The following TP53BP1 variants were observed in gnomAD, a reference collection of about 807,000 sequenced individuals.
The protein encoded by TP53BP1 is tumor protein p53 binding protein 1.
A neutral mutation model predicts 200.8 loss-of-function variants in TP53BP1; 61 were observed. The observed-to-expected ratio is 0.30, with a 90% CI of 0.25 to 0.38. The LOEUF is 0.38. Among genes scored for constraint, TP53BP1 ranks in the 10% least tolerant of loss-of-function variants. The probability of loss-of-function intolerance (pLI) is 1.00; values close to 1 mark genes in which losing one functional copy is unlikely to be tolerated. For synonymous variants in TP53BP1, 822 were observed against 844.3 expected, an observed-to-expected ratio of 0.97 and a Z score of 0.46; for missense variants, 2,144 against 2,371.9, an observed-to-expected ratio of 0.90 and a Z score of 2.00.
At chr15:43,450,270 C>T (rs916659638) in intron 12 of TP53BP1, among the ~76,000 whole-genome samples, 1 of 152,188 alleles carries the variant, frequency 6.6e-6, no homozygotes. Context: ...AAGGTCTCTC[C>T]TAACTTTCTG....
rs1158441350 is a variant in TP53BP1, at chr15:43,446,165, GGAA to G, written c.3040+219_3040+221del. ...TCTGAATAGGGAAACCAATTACATA[GGAA>G]CAGACTTAACAGAAACAAGCTATAA... On this transcript the variant is annotated intron_variant, in intron 14 of 27. Coordinates refer to ENST00000382044, the MANE Select transcript of TP53BP1 (RefSeq NM_001141980.3). 2.0e-5 allele frequency among the ~76,000 whole-genome samples: 3 copies of G among 152,022 alleles called. No individual in the cohort carries two copies. The East Asian group carries it at 5.8e-4, about 29-fold the overall frequency.
In TP53BP1 at chr15:43,452,364, G is replaced by A. The variant is rs1054592069; in HGVS notation, c.2716+3528C>T. Among the ~76,000 whole-genome samples, 5 of 152,050 alleles carry A rather than the reference G, an allele frequency of 3.3e-5. No individual in the cohort carries two copies. In the South Asian group the frequency reaches 8.3e-4, roughly 25 times the overall value. On this transcript the variant is annotated intron_variant, in intron 12 of 27. Coordinates refer to ENST00000382044, the MANE Select transcript of TP53BP1 (RefSeq NM_001141980.3). ...GTGGATTGCCTGAATCCAAGAGTTC[G>A]AGATCAGCCTGGGCAACATGGCAAA...
chr15:43,456,424 A>G lies in TP53BP1; in HGVS notation c.2184T>C (p.Ile728=), dbSNP rs1045226834. ...SEAMEVETSV[I]SIDSPQKLAI... ...CCAACTTTTGAGGGGAATCAATACT[A>G]ATCACACTGGTTTCAACTTCCATAG... The change falls in exon 12 of 28, where the codon ATT becomes ATC. Residue 728 remains isoleucine (I), a synonymous_variant. Transcript: ENST00000382044. 3.2e-6 allele frequency: 5 copies of G among 1,583,146 alleles called. No individual in the cohort carries two copies. The highest frequency in any genetic ancestry group is 1.7e-4 in the Middle Eastern group (1 of 5,876).
In TP53BP1 at chr15:43,430,493, A is replaced by G. The variant is rs150581366; in HGVS notation, c.3675+1701T>C. Among the ~76,000 whole-genome samples, 209 of 152,358 alleles carry G rather than the reference A, an allele frequency of 1.4e-3. 2 individuals are homozygous for G. Among genetic ancestry groups the G allele is most frequent in the African/African-American group, 4.9e-3 (204 of 41,588 alleles). On this transcript the variant is annotated intron_variant, in intron 17 of 27. Coordinates refer to ENST00000382044, the MANE Select transcript of TP53BP1 (RefSeq NM_001141980.3). Reference sequence around the variant, plus strand: ...ATCCCATATGTGCCACAGGTGTTCAATAAATAAGAACTGTATTTTATTTTT... The same window carrying G: ...ATCCCATATGTGCCACAGGTGTTCAGTAAATAAGAACTGTATTTTATTTTT...
chr15:43,407,703 A>G (rs1440445231), intron 27 of TP53BP1, 133 bp from the exon 28 acceptor site: 2 of 874,994 alleles, frequency 2.3e-6, no homozygotes, highest in Admixed American at 2.9e-5. Flanking sequence ...ACACACTGCT[A>G]CTGATCATGA....
At chr15:43,457,500 T>C (rs1009811610) in intron 11 of TP53BP1, among the ~76,000 whole-genome samples, 4 of 151,422 alleles carry the variant, frequency 2.6e-5, no homozygotes, top group Admixed American at 1.3e-4. Flanking sequence ...TGAAACCCTG[T>C]CTCTACTAAA....
intron 26 of TP53BP1, chr15:43,408,336 C>G: frequency 2.6e-6 from 1 of 390,036 alleles, no homozygotes; most frequent in East Asian, 5.2e-5. Context: ...AAAAAATTAG[C>G]TGGGTGTGGT....
Position 43,415,881 on chromosome 15 carries a change from A to C in TP53BP1, c.4874-72T>G, listed in dbSNP as rs2045255095. ...GGCCCTGAACTCCAAGAAACTGGGC[A>C]GACCCTGATTCAGACACCACAGTGT... On this transcript the variant is annotated intron_variant, in intron 22 of 27. Transcript: ENST00000382044. The C allele has an allele frequency of 2.3e-6, 3 of 1,287,054 alleles. No individual in the cohort carries two copies. The Admixed American group carries it at 5.7e-5, about 24-fold the overall frequency. The allele number at this position is 1,287,054 out of a possible 1,614,324, so 79.7% of individuals were successfully genotyped here.
In TP53BP1 at chr15:43,432,437, A is replaced by G; in HGVS notation, c.3432T>C (p.Pro1144=). 6.2e-7 allele frequency: 1 copy of G among 1,614,196 alleles called. No homozygotes were observed. The highest frequency in any genetic ancestry group is 1.1e-5 in the South Asian group (1 of 91,086). ...TGGGCCTTTCAATCAAGGCCTTACT[A>G]GGATTTTCCTTATTAGTACTCCGTC... ...KEGRSTNKEN[P]SKALIERPSQ... Residue 1144 remains proline, a synonymous_variant, in exon 17 of 28, where the codon CCT becomes CCC. Coordinates refer to ENST00000382044, the MANE Select transcript of TP53BP1 (RefSeq NM_001141980.3).
At chr15:43,430,014 C>A (rs1329520613) in intron 17 of TP53BP1, among the ~76,000 whole-genome samples, 1 of 152,120 alleles carries the variant, frequency 6.6e-6, no homozygotes. Flanking sequence ...TTAAGCGTGT[C>A]TGAGAGAATA....
At chr15:43,407,811 TG>T in intron 27 of TP53BP1, 131 bp downstream of exon 27, 7 of 960,210 alleles carry the variant, frequency 7.3e-6, no homozygotes, top group Non-Finnish European at 1.1e-5. Flanking sequence ...CTCTTGAAGG[TG>T]GTACTTTTCT....
intron 12 of TP53BP1, among the ~76,000 whole-genome samples, chr15:43,455,312 T>TAA (rs554824462): frequency 2.0e-5 from 3 of 147,746 alleles, no homozygotes; most frequent in African/African-American, 7.5e-5. Context: ...ACAATCTAAG[T>TAA]AAAAAAAAAA....
chr15:43,461,131 TA>T lies in TP53BP1; in HGVS notation c.1390-3914del, dbSNP rs907155962. Among the ~76,000 whole-genome samples the T allele has an allele frequency of 2.6e-5, 4 of 152,242 alleles. No homozygotes were observed. The South Asian group carries it at 6.2e-4, about 24-fold the overall frequency. ...GGGAAATTAATCAATGAAAGCACAC[TA>T]ATACTTAGCTACAAAATGGTTCACT... is the stretch of plus-strand genomic sequence containing the variant. On this transcript the variant is annotated intron_variant, in intron 11 of 27. Transcript: ENST00000382044.
chr15:43,442,883 T>C (rs2045962581), intron 14 of TP53BP1, among the ~76,000 whole-genome samples: 1 of 136,548 alleles, frequency 7.3e-6, no homozygotes, highest in South Asian at 2.5e-4. Context: ...TGGAGTGCAG[T>C]GGCATGATCT....
intron 16 of TP53BP1, among the ~76,000 whole-genome samples, chr15:43,436,090 C>G (rs904319024): frequency 6.6e-6 from 1 of 151,794 alleles, no homozygotes; most frequent in African/African-American, 2.4e-5. Context: ...CTCCTGGGCT[C>G]GAGCCATTCT....
intron 4 of TP53BP1, among the ~76,000 whole-genome samples, chr15:43,485,725 C>A (rs1231330060): frequency 1.3e-5 from 2 of 151,570 alleles, no homozygotes; most frequent in African/African-American, 2.4e-5. Flanking sequence ...TGCCTGTAAT[C>A]CCAGCTACTC....
Position 43,469,879 on chromosome 15 carries a change from T to C in TP53BP1, c.1368A>G (p.Pro456=). The change falls in exon 11 of 28, where the codon CCA becomes CCG. Residue 456 remains proline (P), a synonymous_variant. Transcript: ENST00000382044. ...TCACATGAGAAAACTGAGGCTGGGA[T>C]GGGATAGGAAGTGACCCAGGAGGGA... ...PVFPPGSLPI[P]SQPQFSHDIF... 2 of 1,613,614 alleles carry C rather than the reference T, an allele frequency of 1.2e-6. No homozygotes were observed. The highest frequency in any genetic ancestry group is 2.2e-5 in the East Asian group (1 of 44,872).
chr15:43,447,078 A>T lies in TP53BP1; in HGVS notation c.2836+288T>A, dbSNP rs1289166379. ...TGTTCCATCCTTATAAAACATCTCT[A>T]CATCACTACTTAGCACTCAGATTCT... On this transcript the variant is annotated intron_variant, in intron 13 of 27. Coordinates refer to ENST00000382044, the MANE Select transcript of TP53BP1 (RefSeq NM_001141980.3). 9 of 463,072 alleles carry T rather than the reference A, an allele frequency of 1.9e-5. No individual in the cohort carries two copies. The Admixed American group carries it at 3.0e-4, about 15-fold the overall frequency. 28.7% of individuals were successfully genotyped at this position (463,072 alleles called of 1,614,324 possible).
exon 1 of TP53BP1, chr15:43,510,403 C>G (rs1217219560): frequency 6.5e-6 from 1 of 153,550 alleles, no homozygotes; most frequent in African/African-American, 2.4e-5. Flanking sequence ...ATTCTGTCCC[C>G]TCCAATACTG....
Sources: allele counts gnomAD v4.1 joint callset (sites outside exome capture counted in the v4.1 genomes callset), GRCh38; gene constraint gnomAD v4.1.1; transcripts MANE v1.5; gene names NCBI Gene and HGNC (gene_info 2026-07-23, HGNC 2026-07-21).